The following DLGAP5 variants were observed in gnomAD, a reference collection of about 807,000 sequenced individuals.
The protein encoded by DLGAP5 is DLG associated protein 5.
A neutral mutation model predicts 99.6 loss-of-function variants in DLGAP5; 90 were observed. The ratio of observed to expected loss-of-function variants is 0.90; its 90% CI spans 0.76 to 1.08. The LOEUF (loss-of-function observed/expected upper bound fraction) is 1.08. DLGAP5 is among the 50% of genes least tolerant of loss of function. DLGAP5 has a pLI of 0.00. For missense variants in DLGAP5, 1,036 were observed against 983.5 expected (o/e 1.05, Z -0.71); for synonymous variants, 311 against 321.3 (o/e 0.97, Z 0.34).
At position 55,158,692 on chromosome 14, in the gene DLGAP5, C is replaced by G. The variant is rs1426370236; in HGVS notation, c.1703G>C (p.Gly568Ala). Residue 568 changes from glycine (G) to alanine (A), a missense_variant, in exon 14 of 19, where the codon GGA becomes GCA. Transcript: ENST00000247191. Reference sequence around the variant, plus strand: ...TAGGCGATTTCTCGCTGCAATTCTTCCAGCATCATCCTGTTTTGGTTTACT... The same window carrying G: ...TAGGCGATTTCTCGCTGCAATTCTTGCAGCATCATCCTGTTTTGGTTTACT... Reference protein sequence around the residue: ...IASKPKQDDAGRIAARNRLAA... With the variant: ...IASKPKQDDAARIAARNRLAA... 1 of 1,613,952 alleles carries G rather than the reference C, an allele frequency of 6.2e-7. No homozygotes were observed. The highest frequency in any genetic ancestry group is 1.3e-5 in the African/African-American group (1 of 74,898).
intron 7 of DLGAP5, 142 bp from the exon 8 acceptor site, chr14:55,177,478 G>GTGTATACA: frequency 3.0e-6 from 2 of 656,908 alleles, no homozygotes; most frequent in Non-Finnish European, 4.7e-6. Context: ...ATACAATTAA[G>GTGTATACA]TGTATACATG....
At chr14:55,175,204 C>A in intron 10 of DLGAP5, 142 bp downstream of exon 10, 1 of 696,542 alleles carries the variant, frequency 1.4e-6, no homozygotes, top group Non-Finnish European at 2.3e-6. Flanking sequence ...TACTAGTTAT[C>A]AAAAAAATAA....
At chr14:55,167,661 T>C (rs758828906) in intron 12 of DLGAP5, among the ~76,000 whole-genome samples, 1 of 152,146 alleles carries the variant, frequency 6.6e-6, no homozygotes, top group Non-Finnish European at 1.5e-5. Context: ...AAAGGGTACA[T>C]GGAAGGAGGT....
chr14:55,175,823 A>C, intron 9 of DLGAP5, 71 bp downstream of exon 9: 5 of 1,327,626 alleles, frequency 3.8e-6, no homozygotes, highest in Non-Finnish European at 4.1e-6. Flanking sequence ...TGTAATTACT[A>C]TACCTGAAAG....
chr14:55,175,662 C>G (rs374090103), intron 9 of DLGAP5, among the ~76,000 whole-genome samples, 190 bp from the exon 10 acceptor site: 4 of 152,124 alleles, frequency 2.6e-5, no homozygotes, highest in Non-Finnish European at 5.9e-5. Context: ...TATTTCCCCT[C>G]TTCTGTCTGT....
At position 55,154,782 on chromosome 14, in the gene DLGAP5, G is replaced by C. The variant is rs942906463; in HGVS notation, c.1898C>G (p.Pro633Arg). 2 of 1,613,962 alleles carry C rather than the reference G, an allele frequency of 1.2e-6. No homozygotes were observed. Among genetic ancestry groups the C allele is most frequent in the African/African-American group, 1.3e-5 (1 of 74,922 alleles). ...CTTAGGTGTTCCAAGTCTTTGAGAA[G>C]GGCCTTCAGAAGAGACAGAAAGTCC... ...FSGLSVSSEGPSQRLGTPKSV... is the reference protein window; with the variant it reads ...FSGLSVSSEGRSQRLGTPKSV... The change falls in exon 15 of 19, where the codon CCT becomes CGT. Residue 633 changes from proline (P) to arginine (R), a missense_variant. Coordinates refer to ENST00000247191, the MANE Select transcript of DLGAP5 (RefSeq NM_014750.5).
intron 16 of DLGAP5, among the ~76,000 whole-genome samples, 168 bp from the exon 17 acceptor site, chr14:55,152,109 A>G (rs1882039386): frequency 6.6e-6 from 1 of 152,238 alleles, no homozygotes; most frequent in Non-Finnish European, 1.5e-5. Context: ...ATTAGTTCAG[A>G]TAATATTATA....
intron 2 of DLGAP5, among the ~76,000 whole-genome samples, chr14:55,185,700 TC>T (rs1459554659): frequency 2.0e-5 from 3 of 151,934 alleles, no homozygotes; most frequent in African/African-American, 7.3e-5. Context: ...GACAGGCTGG[TC>T]TTGAACTCCT....
At position 55,154,767 on chromosome 14, in the gene DLGAP5, C is replaced by G. The variant is rs1566494134; in HGVS notation, c.1913G>C (p.Gly638Ala). The change falls in exon 15 of 19, where the codon GGA becomes GCA. Residue 638 changes from glycine (G) to alanine (A), a missense_variant. By Grantham distance (60) the Gly-to-Ala change is moderately conservative. Transcript: ENST00000247191. ...VSSEGPSQRL[G>A]TPKSVNKAVS... ...AGCTTTGTTGACAGACTTAGGTGTT[C>G]CAAGTCTTTGAGAAGGGCCTTCAGA... is the stretch of plus-strand genomic sequence containing the variant. 3 of 1,614,000 alleles carry G rather than the reference C, an allele frequency of 1.9e-6. No homozygotes were observed. The highest frequency in any genetic ancestry group is 2.5e-6 in the Non-Finnish European group (3 of 1,179,978).
At chr14:55,159,288 T>C (rs1300683165) in intron 13 of DLGAP5, among the ~76,000 whole-genome samples, 1 of 152,164 alleles carries the variant, frequency 6.6e-6, no homozygotes, top group African/African-American at 2.4e-5. Flanking sequence ...AGCTAGATTA[T>C]AATAAAAATC....
At chr14:55,173,938 T>C (rs900118652) in intron 10 of DLGAP5, among the ~76,000 whole-genome samples, 2 of 152,302 alleles carry the variant, frequency 1.3e-5, no homozygotes, top group Middle Eastern at 3.4e-3. Flanking sequence ...TTGTACAGCA[T>C]GTGTGTTTGA....
rs373355292 is a variant in DLGAP5 at position 55,183,628 on chromosome 14, G to A, written c.364C>T (p.Arg122Cys). 2.0e-5 allele frequency: 32 copies of A among 1,609,348 alleles called. No individual in the cohort carries two copies. Among genetic ancestry groups the A allele is most frequent in the Non-Finnish European group, 2.5e-5 (30 of 1,178,752 alleles). The change falls in exon 3 of 19, where the codon CGT becomes TGT. Residue 122 changes from arginine to cysteine, a missense_variant. Coordinates refer to ENST00000247191, the MANE Select transcript of DLGAP5 (RefSeq NM_014750.5). The part of the protein sequence containing the change: ...KAKRGIFKVG[R>C]YRPDMPCFLL... Reference sequence around the variant, plus strand: ...AAACAAGGCATATCAGGTCTATAACGACCCACTTTAAATATTCCTCGTTTA... The same window carrying A: ...AAACAAGGCATATCAGGTCTATAACAACCCACTTTAAATATTCCTCGTTTA...
chr14:55,182,267 AT>A, intron 4 of DLGAP5, 102 bp downstream of exon 4: 1 of 986,518 alleles, frequency 1.0e-6, no homozygotes, highest in South Asian at 1.6e-5. Context: ...ACTCTAGTAA[AT>A]TAATCATTAT....
At chr14:55,187,613 G>A (rs1427200625) in intron 2 of DLGAP5, among the ~76,000 whole-genome samples, 2 of 133,328 alleles carry the variant, frequency 1.5e-5, no homozygotes, top group African/African-American at 2.9e-5. Context: ...CACTGTGCCC[G>A]ACCTGATCCT....
At chr14:55,152,974 C>T (rs182457240) in intron 15 of DLGAP5, among the ~76,000 whole-genome samples, 65 of 152,314 alleles carry the variant, frequency 4.3e-4, no homozygotes, top group African/African-American at 1.5e-3. Context: ...AAGAAGGTGA[C>T]TTCTGGAGAC....
At chr14:55,186,011 C>T (rs1382758551) in intron 2 of DLGAP5, among the ~76,000 whole-genome samples, 1 of 152,204 alleles carries the variant, frequency 6.6e-6, no homozygotes, top group Non-Finnish European at 1.5e-5. Context: ...TAGCTCACGC[C>T]TGTACTCCTA....
rs187265825 is a variant in DLGAP5 at position 55,165,380 on chromosome 14, A to T, written c.1549-2305T>A. ...CTACAAAAAAATATAAAAATTAGCCAGTCGTGGTGGCACATGCCTGTAGTC... is the reference window on the plus strand; with the variant it reads ...CTACAAAAAAATATAAAAATTAGCCTGTCGTGGTGGCACATGCCTGTAGTC... On this transcript the variant is annotated intron_variant, in intron 12 of 18. Coordinates refer to ENST00000247191, the MANE Select transcript of DLGAP5 (RefSeq NM_014750.5). Among the ~76,000 whole-genome samples the T allele has an allele frequency of 2.6e-5, 4 of 152,210 alleles. No homozygotes were observed. In the East Asian group the frequency reaches 7.7e-4, roughly 29 times the overall value.
intron 10 of DLGAP5, among the ~76,000 whole-genome samples, chr14:55,174,266 TC>T (rs1040494622): frequency 2.0e-5 from 3 of 152,122 alleles, no homozygotes; most frequent in Non-Finnish European, 2.9e-5. Flanking sequence ...AAGAGGAAAT[TC>T]CCGCCTAATA....
intron 12 of DLGAP5, among the ~76,000 whole-genome samples, chr14:55,168,403 T>C (rs1205954765): frequency 6.6e-6 from 1 of 152,248 alleles, no homozygotes; most frequent in South Asian, 2.1e-4. Flanking sequence ...TTTGAGAATA[T>C]GAATACTTGC....
Sources: gnomAD v4.1 joint callset for allele counts (sites outside exome capture counted in the v4.1 genomes callset) on GRCh38, gnomAD v4.1.1 for gene constraint, MANE v1.5 for transcripts, NCBI Gene and HGNC (gene_info 2026-07-23, HGNC 2026-07-21) for gene names.